The following KCNQ3 variants were observed in gnomAD, a reference collection of about 807,000 sequenced individuals.
KCNQ3 encodes potassium voltage-gated channel subfamily Q member 3, also known as potassium voltage-gated channel subfamily KQT member 3.
In KCNQ3, 30 loss-of-function variants were observed where a neutral mutation model predicts 92.5. That is an observed-to-expected ratio of 0.32 (90% CI 0.24 to 0.44). KCNQ3 has a LOEUF of 0.44. Ranked by LOEUF, KCNQ3 falls within the 20% of genes least tolerant of loss-of-function variation. The pLI is 1.00. For missense variants in KCNQ3, 913 were observed against 1,140.3 expected (o/e 0.80, Z 2.87); for synonymous variants, 450 against 468.8 (o/e 0.96, Z 0.52).
At chr8:132,458,195 T>C (rs1442134331) in intron 1 of KCNQ3, among the ~76,000 whole-genome samples, 1 of 152,026 alleles carries the variant, frequency 6.6e-6, no homozygotes, top group Non-Finnish European at 1.5e-5. Context: ...GAGTCAGGAG[T>C]AGGGCCACAC....
At chr8:132,170,996 G>C (rs1175107764) in intron 7 of KCNQ3, among the ~76,000 whole-genome samples, 1 of 152,020 alleles carries the variant, frequency 6.6e-6, no homozygotes, top group Non-Finnish European at 1.5e-5. Context: ...TCCAACCTGG[G>C]TATAGAGTAA....
In KCNQ3 at chr8:132,267,302, A is replaced by G. The variant is rs568064090; in HGVS notation, c.387-81121T>C. Among the ~76,000 whole-genome samples, 8 of 152,286 alleles carry G rather than the reference A, an allele frequency of 5.3e-5. No individual in the cohort carries two copies. The South Asian group carries it at 1.7e-3, about 32-fold the overall frequency. ...AATTCAGGCATAATCCTTCCTCCTG[A>G]TTCCCATTGCCATTATCTTGACTCT... On this transcript the variant is annotated intron_variant, in intron 1 of 14. Transcript: ENST00000388996.
chr8:132,177,470 T>C (rs2130142126), intron 4 of KCNQ3, among the ~76,000 whole-genome samples: 1 of 152,274 alleles, frequency 6.6e-6, no homozygotes, highest in East Asian at 1.9e-4. Context: ...CCTTGTCCCT[T>C]AAATCCATTC....
Position 132,125,389 on chromosome 8 carries a change from C to T in KCNQ3, c.*3873G>A, listed in dbSNP as rs1251892802. On this transcript the variant is annotated 3_prime_UTR_variant, in exon 15 of 15. Coordinates refer to ENST00000388996, the MANE Select transcript of KCNQ3 (RefSeq NM_004519.4). ...GGGATGAAATCAGGTATTTTATTTT[C>T]CTGGTAGACATAGTTTGAAGGGACC... The T allele has an allele frequency of 1.3e-5, 2 of 152,096 alleles. No homozygotes were observed. Among genetic ancestry groups the T allele is most frequent in the African/African-American group, 4.8e-5 (2 of 41,390 alleles). 9.4% of individuals were successfully genotyped at this position (152,096 alleles called of 1,614,324 possible). A position where few individuals can be genotyped will look rare whatever the true frequency, so the allele number is the denominator to read the frequency against.
At position 132,480,176 on chromosome 8, in the gene KCNQ3, C is replaced by G; in HGVS notation, c.357G>C (p.Arg119=). 1 of 1,613,054 alleles carries G rather than the reference C, an allele frequency of 6.2e-7. No individual in the cohort carries two copies. The highest frequency in any genetic ancestry group is 8.5e-7 in the Non-Finnish European group (1 of 1,179,330). Residue 119 remains arginine, a synonymous_variant, in exon 1 of 15, where the codon CGG becomes CGC. Coordinates refer to ENST00000388996, the MANE Select transcript of KCNQ3 (RefSeq NM_004519.4). ...ACGCGTGGTAAAGCAGCGCCCAGCC[C>G]CGCGGTCTCTCCAGGGCGTCGTAGA... ...TLIYDALERP[R]GWALLYHALV...
intron 3 of KCNQ3, among the ~76,000 whole-genome samples, chr8:132,182,714 T>C (rs1290917282): frequency 6.6e-6 from 1 of 151,876 alleles, no homozygotes; most frequent in Non-Finnish European, 1.5e-5. Flanking sequence ...GGATAGGTCA[T>C]GCAAAGAAGA....
At chr8:132,399,986 C>T (rs190076590) in intron 1 of KCNQ3, among the ~76,000 whole-genome samples, 3 of 152,256 alleles carry the variant, frequency 2.0e-5, no homozygotes, top group East Asian at 1.9e-4. Context: ...TGGACAACAA[C>T]CTACCGGGTG....
intron 4 of KCNQ3, among the ~76,000 whole-genome samples, chr8:132,178,495 G>C (rs909856685): frequency 6.6e-6 from 1 of 152,118 alleles, no homozygotes; most frequent in Non-Finnish European, 1.5e-5. Context: ...TGACTTACCA[G>C]GCACTTAAAT....
chr8:132,223,624 A>G (rs999344678), intron 1 of KCNQ3, among the ~76,000 whole-genome samples: 10 of 152,230 alleles, frequency 6.6e-5, no homozygotes, highest in African/African-American at 2.4e-4. Context: ...ATTAAACTGC[A>G]TGAGATGATC....
intron 1 of KCNQ3, among the ~76,000 whole-genome samples, chr8:132,365,745 T>C (rs1010266284): frequency 6.6e-6 from 1 of 152,204 alleles, no homozygotes; most frequent in African/African-American, 2.4e-5. Context: ...AAAGTACCAC[T>C]ATGGCTTGGC....
intron 1 of KCNQ3, among the ~76,000 whole-genome samples, chr8:132,243,587 C>G (rs1318430133): frequency 1.3e-5 from 2 of 152,168 alleles, no homozygotes. Context: ...GAATCCTCAC[C>G]ATGTAAGACA....
intron 1 of KCNQ3, among the ~76,000 whole-genome samples, chr8:132,422,211 C>T (rs1820985568): frequency 6.6e-6 from 1 of 152,120 alleles, no homozygotes; most frequent in Non-Finnish European, 1.5e-5. Flanking sequence ...TTGCTCCAAT[C>T]AGAGACCCAC....
At chr8:132,457,579 ACT>A (rs1821971344) in intron 1 of KCNQ3, among the ~76,000 whole-genome samples, 1 of 151,802 alleles carries the variant, frequency 6.6e-6, no homozygotes. Flanking sequence ...CCTAACCCAG[ACT>A]CTGACACCGT....
At chr8:132,203,662 C>T (rs956434399) in intron 1 of KCNQ3, among the ~76,000 whole-genome samples, 10 of 152,134 alleles carry the variant, frequency 6.6e-5, no homozygotes, top group African/African-American at 2.2e-4. Flanking sequence ...CTGTGTGACT[C>T]TGAGTAAGTA....
intron 1 of KCNQ3, among the ~76,000 whole-genome samples, chr8:132,269,323 A>G (rs918572098): frequency 6.6e-5 from 10 of 152,020 alleles, no homozygotes; most frequent in African/African-American, 1.7e-4. Context: ...GTTTCCTCCT[A>G]TAGTTTTGTG....
intron 1 of KCNQ3, among the ~76,000 whole-genome samples, chr8:132,420,111 C>T (rs1820928860): frequency 6.6e-6 from 1 of 152,104 alleles, no homozygotes; most frequent in Non-Finnish European, 1.5e-5. Flanking sequence ...GACACCTTCT[C>T]CTTGTGGTCT....
intron 1 of KCNQ3, among the ~76,000 whole-genome samples, chr8:132,228,759 G>GAAAAAAAAAA (rs34561294): frequency 1.7e-5 from 2 of 118,264 alleles, no homozygotes; most frequent in African/African-American, 6.3e-5. Flanking sequence ...GCTGACTCTT[G>GAAAAAAAAAA]AAAAAAAAAA....
intron 1 of KCNQ3, among the ~76,000 whole-genome samples, chr8:132,398,668 A>T (rs775028237): frequency 5.9e-5 from 9 of 152,238 alleles, no homozygotes; most frequent in Non-Finnish European, 1.2e-4. Flanking sequence ...AAACAGAAAG[A>T]CAGGCAGAAA....
At chr8:132,200,418 C>G (rs1827424002) in intron 1 of KCNQ3, among the ~76,000 whole-genome samples, 1 of 151,162 alleles carries the variant, frequency 6.6e-6, no homozygotes, top group Non-Finnish European at 1.5e-5. Flanking sequence ...CTACCTTGAG[C>G]ATTAAGAACA....
Sources: gnomAD v4.1 joint callset for allele counts (sites outside exome capture counted in the v4.1 genomes callset) on GRCh38, gnomAD v4.1.1 for gene constraint, MANE v1.5 for transcripts, NCBI Gene and HGNC (gene_info 2026-07-23, HGNC 2026-07-21) for gene names.